The following CLPX variants were observed in gnomAD, a reference collection of about 807,000 sequenced individuals.
CLPX encodes the protein caseinolytic mitochondrial matrix peptidase chaperone subunit X.
Under a neutral mutation model 76.4 loss-of-function variants are expected in CLPX, and 34 were observed. The ratio of observed to expected loss-of-function variants is 0.45; its 90% CI spans 0.34 to 0.59. The LOEUF (loss-of-function observed/expected upper bound fraction) is 0.59, where lower values mean the gene tolerates loss of function less well. CLPX is among the 20% of genes least tolerant of loss of function. The pLI, the probability that CLPX is intolerant of heterozygous loss-of-function variation, is 0.01. For synonymous variants in CLPX, 248 were observed against 270.9 expected, an observed-to-expected ratio of 0.92 and a Z score of 0.83; for missense variants, 613 against 757.0, an observed-to-expected ratio of 0.81 and a Z score of 2.23.
chr15:65,165,272 T>G (rs2087895721), intron 4 of CLPX, among the ~76,000 whole-genome samples: 1 of 151,464 alleles, frequency 6.6e-6, no homozygotes, highest in Non-Finnish European at 1.5e-5. Context: ...AAGGCTGCAG[T>G]GAACCATGAG....
intron 3 of CLPX, among the ~76,000 whole-genome samples, chr15:65,167,895 AATATAT>A (rs1347936128): frequency 1.3e-5 from 2 of 151,418 alleles, no homozygotes; most frequent in Non-Finnish European, 2.9e-5. Flanking sequence ...CTCAGAAAAA[AATATAT>A]ATATAATTAT....
At chr15:65,170,984 A>G (rs770676897) in intron 3 of CLPX, among the ~76,000 whole-genome samples, 1 of 151,326 alleles carries the variant, frequency 6.6e-6, no homozygotes. Context: ...CACCACACCC[A>G]GCTCATTTTT....
chr15:65,150,749 T>A lies in CLPX; in HGVS notation c.*74A>T. 1 of 1,029,512 alleles carries A rather than the reference T, an allele frequency of 9.7e-7. No homozygotes were observed. The highest frequency in any genetic ancestry group is 1.5e-6 in the Non-Finnish European group (1 of 681,068). The allele number at this position is 1,029,512 out of a possible 1,614,324, so 63.8% of individuals were successfully genotyped here. ...CAAGATAGATCCAATGCCTTTAATA[T>A]CAGACTGTAGAGACAATTATGATCC... is the stretch of plus-strand genomic sequence containing the variant. On this transcript the variant is annotated 3_prime_UTR_variant, in exon 14 of 14. Coordinates refer to ENST00000300107, the MANE Select transcript of CLPX (RefSeq NM_006660.5).
intron 3 of CLPX, among the ~76,000 whole-genome samples, chr15:65,169,002 C>T (rs1391289662): frequency 6.6e-6 from 1 of 150,994 alleles, no homozygotes; most frequent in Non-Finnish European, 1.5e-5. Flanking sequence ...GGACTACAGG[C>T]ACACGCCACC....
intron 3 of CLPX, among the ~76,000 whole-genome samples, chr15:65,172,650 A>G (rs561619219): frequency 6.6e-6 from 1 of 152,306 alleles, no homozygotes; most frequent in East Asian, 1.9e-4. Flanking sequence ...AGAAAAAGAA[A>G]GACAAAGGAT....
Position 65,185,229 on chromosome 15 carries a change from C to G in CLPX, c.-76G>C, listed in dbSNP as rs919940603. On this transcript the variant is annotated 5_prime_UTR_variant, in exon 1 of 14. Coordinates refer to ENST00000300107, the MANE Select transcript of CLPX (RefSeq NM_006660.5). Reference sequence around the variant, plus strand: ...AGCGGCGTGAATCCTGCCCGCAAGGCGCGCTGACTCGGTTCCGAACCCTTT... The same window carrying G: ...AGCGGCGTGAATCCTGCCCGCAAGGGGCGCTGACTCGGTTCCGAACCCTTT... The G allele has an allele frequency of 9.5e-5, 120 of 1,266,254 alleles. No homozygotes were observed. Among genetic ancestry groups the G allele is most frequent in the Non-Finnish European group, 1.2e-4 (111 of 898,934 alleles). 78.4% of individuals were successfully genotyped at this position (1,266,254 alleles called of 1,614,324 possible).
At chr15:65,171,916 C>T (rs140671951) in intron 3 of CLPX, among the ~76,000 whole-genome samples, 12 of 152,178 alleles carry the variant, frequency 7.9e-5, no homozygotes, top group South Asian at 2.1e-4. Flanking sequence ...TCAACATATC[C>T]CTAAATTCAA....
intron 3 of CLPX, among the ~76,000 whole-genome samples, chr15:65,177,354 C>A (rs1040297636): frequency 6.6e-6 from 1 of 152,166 alleles, no homozygotes; most frequent in Non-Finnish European, 1.5e-5. Context: ...CTGGTGTGAG[C>A]CACAGCGCCT....
chr15:65,152,965 C>G (rs1037682578), intron 12 of CLPX, among the ~76,000 whole-genome samples: 6 of 151,408 alleles, frequency 4.0e-5, no homozygotes, highest in African/African-American at 1.5e-4. Flanking sequence ...CCAGGCTGGT[C>G]TCAAACTCCT....
intron 13 of CLPX, 24 bp downstream of exon 13, chr15:65,152,406 T>C (rs759966858): frequency 8.1e-7 from 1 of 1,227,306 alleles, no homozygotes; most frequent in Non-Finnish European, 1.1e-6. Context: ...TTTGTATCTG[T>C]TCTGGCTTGA....
rs1225986593 is a variant in CLPX, at chr15:65,150,030, T to C, written c.*793A>G. On this transcript the variant is annotated 3_prime_UTR_variant, in exon 14 of 14. Coordinates refer to ENST00000300107, the MANE Select transcript of CLPX (RefSeq NM_006660.5). ...TTCTTCAGGGTATTTTTCAATGAAA[T>C]GTTTAACTACTTGAAAACTACCTGG... 1 of 152,242 alleles carries C rather than the reference T, an allele frequency of 6.6e-6. No individual in the cohort carries two copies. The highest frequency in any genetic ancestry group is 6.5e-5 in the Admixed American group (1 of 15,280). 9.4% of individuals were successfully genotyped at this position (152,242 alleles called of 1,614,324 possible).
Position 65,185,322 on chromosome 15 carries a change from C to T in CLPX, c.-169G>A. On this transcript the variant is annotated 5_prime_UTR_variant, in exon 1 of 14. It adds an upstream start codon to the 5' untranslated region. Coordinates refer to ENST00000300107, the MANE Select transcript of CLPX (RefSeq NM_006660.5). ...CAGGCCTTCACGCTTCTCTGCCCCA[C>T]AGCCGTCTATTCACCAGAGTAGACA... The T allele has an allele frequency of 6.7e-6, 4 of 596,776 alleles. No homozygotes were observed. Among genetic ancestry groups the T allele is most frequent in the Non-Finnish European group, 1.2e-5 (4 of 336,118 alleles). 37.0% of individuals were successfully genotyped at this position (596,776 alleles called of 1,614,324 possible). A position where few individuals can be genotyped will look rare whatever the true frequency, so the allele number is the denominator to read the frequency against.
At chr15:65,179,892 A>G in intron 2 of CLPX, 152 bp downstream of exon 2, 1 of 479,006 alleles carries the variant, frequency 2.1e-6, no homozygotes, top group Non-Finnish European at 3.4e-6. Context: ...GTTCAAAATG[A>G]AACATCTAAT....
Position 65,185,303 on chromosome 15 carries a change from T to C in CLPX, c.-150A>G. ...AGTTCACCTGCCCGGCAGCCAGGCC[T>C]TCACGCTTCTCTGCCCCACAGCCGT... is the stretch of plus-strand genomic sequence containing the variant. On this transcript the variant is annotated 5_prime_UTR_variant, in exon 1 of 14. Transcript: ENST00000300107. 1.6e-6 allele frequency: 1 copy of C among 618,858 alleles called. No individual in the cohort carries two copies. The highest frequency in any genetic ancestry group is 2.9e-6 in the Non-Finnish European group (1 of 350,340). The allele number at this position is 618,858 out of a possible 1,614,324, so 38.3% of individuals were successfully genotyped here.
At chr15:65,152,247 A>T (rs973663644) in intron 13 of CLPX, among the ~76,000 whole-genome samples, 183 bp downstream of exon 13, 4 of 151,996 alleles carry the variant, frequency 2.6e-5, no homozygotes, top group African/African-American at 9.7e-5. Context: ...ACTTTCAAAG[A>T]CTCACAAAAT....
chr15:65,178,626 G>A (rs1261959571), intron 3 of CLPX, among the ~76,000 whole-genome samples: 1 of 151,302 alleles, frequency 6.6e-6, no homozygotes, highest in Non-Finnish European at 1.5e-5. Context: ...ACAGTGGCAT[G>A]ACCATGGCTC....
chr15:65,183,448 G>A (rs1250590290), intron 1 of CLPX, among the ~76,000 whole-genome samples: 4 of 116,972 alleles, frequency 3.4e-5, no homozygotes, highest in Admixed American at 1.1e-4. Flanking sequence ...GCGACAGAGC[G>A]AGACTCTGTC....
At chr15:65,170,756 C>G (rs1344736554) in intron 3 of CLPX, among the ~76,000 whole-genome samples, 1 of 151,142 alleles carries the variant, frequency 6.6e-6, no homozygotes, top group Admixed American at 6.6e-5. Context: ...GGCAACAGAA[C>G]TCTGTCTCAA....
Position 65,158,085 on chromosome 15 carries a change from G to A in CLPX, c.893-175C>T, listed in dbSNP as rs558654265. On this transcript the variant is annotated intron_variant, in intron 7 of 13. Coordinates refer to ENST00000300107, the MANE Select transcript of CLPX (RefSeq NM_006660.5). ...TTCTTGCTCTGTCACCCAGGCTGGA[G>A]TGCAGCCTGTGATCATGGCTCACTC... The A allele has an allele frequency of 1.5e-4, 77 of 528,450 alleles. 1 individual carries two copies. The highest frequency in any genetic ancestry group is 1.5e-3 in the South Asian group (58 of 39,934). 32.7% of individuals were successfully genotyped at this position (528,450 alleles called of 1,614,324 possible).
Sources: gnomAD v4.1 joint callset for allele counts (sites outside exome capture counted in the v4.1 genomes callset) on GRCh38, gnomAD v4.1.1 for gene constraint, MANE v1.5 for transcripts, NCBI Gene and HGNC (gene_info 2026-07-23, HGNC 2026-07-21) for gene names.